PANX3: variants seen among roughly 807,000 people sequenced by gnomAD.
PANX3 encodes pannexin-3.
Under a neutral mutation model 31.5 loss-of-function variants are expected in PANX3, and 18 were observed. The ratio of observed to expected loss-of-function variants is 0.57; its 90% confidence interval spans 0.39 to 0.85. PANX3 has a LOEUF of 0.85. Ranked by LOEUF, PANX3 falls within the 40% of genes least tolerant of loss-of-function variation. The probability of loss-of-function intolerance (pLI) is 0.00; values close to 1 mark genes in which losing one functional copy is unlikely to be tolerated. For missense variants in PANX3, 426 were observed against 485.4 expected (o/e 0.88, Z 1.15); for synonymous variants, 194 against 201.6 (o/e 0.96, Z 0.32).
chr11:124,615,583 G>T (rs938873510), intron 2 of PANX3, among the ~76,000 whole-genome samples: 12 of 152,132 alleles, frequency 7.9e-5, no homozygotes, highest in African/African-American at 2.9e-4. Context: ...ACCCTGCACA[G>T]GTTACTTAAT....
At chr11:124,614,167 T>TAAAAAAAAAAAAAAAAAAAA (rs71042444) in intron 2 of PANX3, among the ~76,000 whole-genome samples, 2 of 73,476 alleles carry the variant, frequency 2.7e-5, no homozygotes, top group African/African-American at 4.2e-5. Flanking sequence ...ATCTAAATGG[T>TAAAAAAAAAAAAAAAAAAAA]AAAAAAAAAA....
rs1358951750 is a variant in PANX3 at position 124,618,933 on chromosome 11, G to C, written c.540-363G>C. Among the ~76,000 whole-genome samples, 3 of 152,102 alleles carry C rather than the reference G, an allele frequency of 2.0e-5. No homozygotes were observed. The South Asian group carries it at 6.2e-4, about 31-fold the overall frequency. On this transcript the variant is annotated intron_variant, in intron 3 of 3. Transcript: ENST00000284288. ...ATTATGAGCATAAGCCACCATGCCC[G>C]GCCCAGAATGCACTTAGCTAAACCC...
intron 2 of PANX3, among the ~76,000 whole-genome samples, chr11:124,614,074 T>G (rs1863124042): frequency 6.7e-6 from 1 of 149,872 alleles, no homozygotes; most frequent in Non-Finnish European, 1.5e-5. Flanking sequence ...GGCGTCAAAT[T>G]GCCACAGTTC....
chr11:124,619,152 C>T lies in PANX3; in HGVS notation c.540-144C>T, dbSNP rs576194699. 46 of 823,170 alleles carry T rather than the reference C, an allele frequency of 5.6e-5. No homozygotes were observed. The Admixed American group carries it at 1.0e-3, about 19-fold the overall frequency. The allele number at this position is 823,170 out of a possible 1,614,324, so 51.0% of individuals were successfully genotyped here. A position where few individuals can be genotyped will look rare whatever the true frequency, so the allele number is the denominator to read the frequency against. On this transcript the variant is annotated intron_variant, in intron 3 of 3. Coordinates refer to ENST00000284288, the MANE Select transcript of PANX3 (RefSeq NM_052959.3). ...CATATGCCTCAGTTTGGGGGAGAAG[C>T]ATGGTTATGCTCGGGAAGACAGATT...
chr11:124,620,267 A>T lies in PANX3; in HGVS notation c.*332A>T. ...AAAGTCCGTTTATGGAGGCAATTCC[A>T]TATCCTTTCTTGAACGCACATTCAG... On this transcript the variant is annotated 3_prime_UTR_variant, in exon 4 of 4. Transcript: ENST00000284288. The T allele has an allele frequency of 4.8e-6, 1 of 209,364 alleles. No individual in the cohort carries two copies. The highest frequency in any genetic ancestry group is 9.4e-6 in the Non-Finnish European group (1 of 106,466). 13.0% of individuals were successfully genotyped at this position (209,364 alleles called of 1,614,324 possible). A position where few individuals can be genotyped will look rare whatever the true frequency, so the allele number is the denominator to read the frequency against.
At chr11:124,614,595 T>C (rs1353134136) in intron 2 of PANX3, among the ~76,000 whole-genome samples, 1 of 150,844 alleles carries the variant, frequency 6.6e-6, no homozygotes, top group African/African-American at 2.4e-5. Context: ...ACCCAAATTC[T>C]CAGGCTCCAC....
Position 124,617,364 on chromosome 11 carries a change from G to C in PANX3, c.415G>C (p.Asp139His), listed in dbSNP as rs1220756040. ...QYAAVPALSS[D>H]LLFIISELDK... ...TGCAGCTGTGCCAGCCCTCAGCTCC[G>C]ATCTGCTGTTCATCATCAGCGAACT... is the stretch of plus-strand genomic sequence containing the variant. The change falls in exon 3 of 4, where the codon GAT becomes CAT. Residue 139 changes from aspartate (D) to histidine (H), a missense_variant. Physicochemically the swap from Asp to His is moderately conservative, Grantham distance 81 (BLOSUM62 -1). Transcript: ENST00000284288. 6.2e-7 allele frequency: 1 copy of C among 1,613,588 alleles called. No individual in the cohort carries two copies. Among genetic ancestry groups the C allele is most frequent in the Non-Finnish European group, 8.5e-7 (1 of 1,180,034 alleles).
At chr11:124,614,670 CTTTTTTTTTTTTT>C (rs138365917) in intron 2 of PANX3, among the ~76,000 whole-genome samples, 2 of 95,328 alleles carry the variant, frequency 2.1e-5, no homozygotes, top group South Asian at 3.5e-4. Flanking sequence ...AACGCCCTTT[CTTTTTTTTTTTTT>C]TTTTTTTTTT....
Position 124,619,644 on chromosome 11 carries a change from G to A in PANX3, c.888G>A (p.Arg296=), listed in dbSNP as rs1331031783. 3 of 1,614,166 alleles carry A rather than the reference G, an allele frequency of 1.9e-6. No homozygotes were observed. In the South Asian group the frequency reaches 3.3e-5, roughly 18 times the overall value. ...TATACAACCTCACACGGCTATGTCGGTGGGACAAACGACTTTTATCTGTCT... is the reference window on the plus strand; with the variant it reads ...TATACAACCTCACACGGCTATGTCGATGGGACAAACGACTTTTATCTGTCT... ...VIIYNLTRLC[R]WDKRLLSVYE... Residue 296 remains arginine, a synonymous_variant, in exon 4 of 4, where the codon CGG becomes CGA. Transcript: ENST00000284288.
At chr11:124,614,033 T>C (rs958873329) in intron 2 of PANX3, among the ~76,000 whole-genome samples, 10 of 152,006 alleles carry the variant, frequency 6.6e-5, no homozygotes, top group African/African-American at 9.7e-5. Context: ...CAGAAGACAC[T>C]CGTAGCATTT....
chr11:124,613,078 G>A lies in PANX3; in HGVS notation c.280G>A (p.Asp94Asn). The A allele has an allele frequency of 6.2e-7, 1 of 1,614,050 alleles. No homozygotes were observed. The highest frequency in any genetic ancestry group is 1.3e-5 in the African/African-American group (1 of 75,036). ...GGACTCACTGCTTCACCATAAGCAG[G>A]ACGGGCCTGGCCAGGACAAAATGAA... ...CWDSLLHHKQ[D>N]GPGQDKMKSL... Residue 94 changes from aspartate (D) to asparagine (N), a missense_variant, in exon 2 of 4, where the codon GAC becomes AAC. Coordinates refer to ENST00000284288, the MANE Select transcript of PANX3 (RefSeq NM_052959.3).
chr11:124,611,432 A>C lies in PANX3; in HGVS notation c.-125A>C. 1.2e-6 allele frequency: 1 copy of C among 814,874 alleles called. No individual in the cohort carries two copies. Among genetic ancestry groups the C allele is most frequent in the South Asian group, 2.0e-5 (1 of 48,814 alleles). 50.5% of individuals were successfully genotyped at this position (814,874 alleles called of 1,614,324 possible). A position where few individuals can be genotyped will look rare whatever the true frequency, so the allele number is the denominator to read the frequency against. ...GAACCATCGCCTGCTCCCAGCAGAGATATCCATAAGGCTGGGGTGGCAGGC... is the reference window on the plus strand; with the variant it reads ...GAACCATCGCCTGCTCCCAGCAGAGCTATCCATAAGGCTGGGGTGGCAGGC... On this transcript the variant is annotated 5_prime_UTR_variant, in exon 1 of 4. Coordinates refer to ENST00000284288, the MANE Select transcript of PANX3 (RefSeq NM_052959.3).
chr11:124,613,612 T>G (rs1486294144), intron 2 of PANX3, among the ~76,000 whole-genome samples: 2 of 152,152 alleles, frequency 1.3e-5, no homozygotes, highest in Non-Finnish European at 2.9e-5. Flanking sequence ...CAGAGTTTAA[T>G]CTGGTTTAAT....
intron 3 of PANX3, among the ~76,000 whole-genome samples, chr11:124,618,858 G>A (rs139942647): frequency 6.6e-6 from 1 of 152,148 alleles, no homozygotes; most frequent in African/African-American, 2.4e-5. Context: ...GTTTCCCATG[G>A]TAGTCTCAAA....
chr11:124,616,889 TTC>T lies in PANX3; in HGVS notation c.325-371_325-370del, dbSNP rs199964425. On this transcript the variant is annotated intron_variant, in intron 2 of 3. Transcript: ENST00000284288. The surrounding 1 kb of genome is among the most constrained non-coding windows in gnomAD (Gnocchi z 4.8). Reference sequence around the variant, plus strand: ...TAGGCAGATGGCTCTCTCTCTCCTTTTCTCTCTCTCTCTCTATATATCCCTCT... The same window carrying T: ...TAGGCAGATGGCTCTCTCTCTCCTTTTCTCTCTCTCTCTATATATCCCTCT... Among the ~76,000 whole-genome samples the T allele has an allele frequency of 6.6e-6, 1 of 150,634 alleles. No homozygotes were observed. Among genetic ancestry groups the T allele is most frequent in the African/African-American group, 2.4e-5 (1 of 40,978 alleles).
At position 124,614,565 on chromosome 11, in the gene PANX3, G is replaced by C. The variant is rs1863131196; in HGVS notation, c.324+1443G>C. Among the ~76,000 whole-genome samples the C allele has an allele frequency of 2.0e-5, 3 of 151,926 alleles. No homozygotes were observed. In the South Asian group the frequency reaches 6.2e-4, roughly 32 times the overall value. On this transcript the variant is annotated intron_variant, in intron 2 of 3. Coordinates refer to ENST00000284288, the MANE Select transcript of PANX3 (RefSeq NM_052959.3). Reference sequence around the variant, plus strand: ...TTACAGGCATAAGCCATAGCACCTGGCCACCAGGAAGCTTTTTAAACCCAA... The same window carrying C: ...TTACAGGCATAAGCCATAGCACCTGCCCACCAGGAAGCTTTTTAAACCCAA...
chr11:124,612,604 C>G (rs1863106258), intron 1 of PANX3, among the ~76,000 whole-genome samples: 1 of 152,236 alleles, frequency 6.6e-6, no homozygotes, highest in South Asian at 2.1e-4. Flanking sequence ...GGCTCGGAAG[C>G]CCAGGCAATT....
At chr11:124,619,154 T>C in intron 3 of PANX3, 142 bp from the exon 4 acceptor site, 1 of 846,750 alleles carries the variant, frequency 1.2e-6, no homozygotes, top group Non-Finnish European at 1.8e-6. Context: ...GGGAGAAGCA[T>C]GGTTATGCTC....
rs750773118 is a variant in PANX3 at position 124,613,117 on chromosome 11, C to A, written c.319C>A (p.His107Asn). The A allele has an allele frequency of 6.2e-7, 1 of 1,613,284 alleles. No individual in the cohort carries two copies. Among genetic ancestry groups the A allele is most frequent in the Admixed American group, 1.7e-5 (1 of 60,018 alleles). The change falls in exon 2 of 4, where the codon CAC (histidine) becomes AAC (asparagine). Residue 107 changes from histidine (H) to asparagine (N), a missense_variant. His to Asn is a moderately conservative substitution (Grantham distance 68). Transcript: ENST00000284288. ...GGACAAAATGAAATCTCTCTGGCCC[C>A]ACAAGGTAAAGCAAACTCTCTGTAA... The part of the protein sequence containing the change: ...GQDKMKSLWP[H>N]KALPYSLLAL...
Sources: gnomAD v4.1 joint callset for allele counts (sites outside exome capture counted in the v4.1 genomes callset) on GRCh38, gnomAD v4.1.1 for gene constraint, Gnocchi (gnomAD v3.1) non-coding constraint, MANE v1.5 for transcripts, NCBI Gene and HGNC (gene_info 2026-07-23, HGNC 2026-07-21) for gene names.